The following ADGRD1 variants were observed in gnomAD, a reference collection of about 807,000 sequenced individuals.
ADGRD1 encodes the protein adhesion G protein-coupled receptor D1.
In ADGRD1, 77 loss-of-function variants were observed where a neutral mutation model predicts 113.4. That is an observed-to-expected ratio of 0.68 (90% CI 0.57 to 0.82). The LOEUF (loss-of-function observed/expected upper bound fraction) is 0.82. ADGRD1 is among the 40% of genes least tolerant of loss of function. The probability of loss-of-function intolerance (pLI) is 0.00; values close to 1 mark genes in which losing one functional copy is unlikely to be tolerated. For missense variants in ADGRD1, 1,036 were observed against 1,139.1 expected (o/e 0.91, Z 1.30); for synonymous variants, 474 against 475.0 (o/e 1.00, Z 0.03).
In ADGRD1 at chr12:131,038,527, G is replaced by A. The variant is rs1376184950; in HGVS notation, c.1473+24187G>A. Among the ~76,000 whole-genome samples, 3 of 152,268 alleles carry A rather than the reference G, an allele frequency of 2.0e-5. No individual in the cohort carries two copies. In the East Asian group the frequency reaches 5.8e-4, roughly 29 times the overall value. ...TCTCTGTGACTGGGGCCAGACAACA[G>A]AGGGGCCGATACTACAGTCGGGGGG... On this transcript the variant is annotated intron_variant, in intron 13 of 24. Coordinates refer to ENST00000261654, the MANE Select transcript of ADGRD1 (RefSeq NM_198827.5).
At chr12:131,120,801 A>G in intron 19 of ADGRD1, 46 bp from the exon 20 acceptor site, 1 of 1,595,676 alleles carries the variant, frequency 6.3e-7, no homozygotes, top group Non-Finnish European at 8.6e-7. Flanking sequence ...GTACGCTGGC[A>G]GGTGGAACGA....
At chr12:131,131,992 C>G (rs1205490201) in intron 21 of ADGRD1, among the ~76,000 whole-genome samples, 176 bp downstream of exon 21, 1 of 152,188 alleles carries the variant, frequency 6.6e-6, no homozygotes, top group Non-Finnish European at 1.5e-5. Flanking sequence ...GCTTGGCTCT[C>G]GTGACCCAGG....
At chr12:130,993,304 A>G (rs1332397534) in intron 8 of ADGRD1, among the ~76,000 whole-genome samples, 1 of 151,912 alleles carries the variant, frequency 6.6e-6, no homozygotes, top group Non-Finnish European at 1.5e-5. Context: ...GGGACTTGAG[A>G]CATCTTGGAA....
At position 131,084,743 on chromosome 12, in the gene ADGRD1, C is replaced by A. The variant is rs1886334370; in HGVS notation, c.1671+80C>A. 6.7e-7 allele frequency: 1 copy of A among 1,489,960 alleles called. No individual in the cohort carries two copies. Among genetic ancestry groups the A allele is most frequent in the Non-Finnish European group, 9.2e-7 (1 of 1,088,010 alleles). 92.3% of individuals were successfully genotyped at this position (1,489,960 alleles called of 1,614,324 possible). A position where few individuals can be genotyped will look rare whatever the true frequency, so the allele number is the denominator to read the frequency against. On this transcript the variant is annotated intron_variant, in intron 15 of 24. Transcript: ENST00000261654. This position sits in a 1 kb window ranked among gnomAD's most constrained non-coding sequence, Gnocchi z 4.5. ...AGGTGGGGGCGGGAGGATGCTTTGC[C>A]CGCCAGTGCCCACGGGCCCTGGGCA...
rs200404333 is a variant in ADGRD1 at position 130,991,001 on chromosome 12, T to C, written c.746-13T>C. ...CCATGTTTTAGTCCTTAATCCAGCATTGTTTCTTCCAGGAAAGCATGCTTT... is the reference window on the plus strand; with the variant it reads ...CCATGTTTTAGTCCTTAATCCAGCACTGTTTCTTCCAGGAAAGCATGCTTT... On this transcript the variant is annotated splice_polypyrimidine_tract_variant and intron_variant, in intron 6 of 24. Coordinates refer to ENST00000261654, the MANE Select transcript of ADGRD1 (RefSeq NM_198827.5). 1.2e-6 allele frequency: 2 copies of C among 1,612,724 alleles called. No individual in the cohort carries two copies. The highest frequency in any genetic ancestry group is 1.3e-5 in the African/African-American group (1 of 74,900).
chr12:131,001,063 G>T (rs1287086644), intron 9 of ADGRD1, among the ~76,000 whole-genome samples: 1 of 152,028 alleles, frequency 6.6e-6, no homozygotes, highest in Non-Finnish European at 1.5e-5. Flanking sequence ...GGTTCATCCT[G>T]GTCATTTCAT....
At chr12:131,043,524 G>A (rs954942622) in intron 13 of ADGRD1, among the ~76,000 whole-genome samples, 1 of 152,250 alleles carries the variant, frequency 6.6e-6, no homozygotes, top group Non-Finnish European at 1.5e-5. Context: ...CACCATGCAG[G>A]CCTCTCCCCT....
rs1450456108 is a variant in ADGRD1, at chr12:130,992,258, C to A, written c.832C>A (p.Pro278Thr). 1 of 1,612,446 alleles carries A rather than the reference C, an allele frequency of 6.2e-7. No homozygotes were observed. Among genetic ancestry groups the A allele is most frequent in the African/African-American group, 1.3e-5 (1 of 74,974 alleles). Residue 278 changes from proline to threonine, a missense_variant, in exon 8 of 25, where the codon CCC (proline) becomes ACC (threonine). Pro to Thr is a conservative substitution (Grantham distance 38). Coordinates refer to ENST00000261654, the MANE Select transcript of ADGRD1 (RefSeq NM_198827.5). ...TCAGATGCCCACAGATGCCTACCATCCCATCATAACCAACCTGACAGAAGA... is the reference window on the plus strand; with the variant it reads ...TCAGATGCCCACAGATGCCTACCATACCATCATAACCAACCTGACAGAAGA... ...SPVMPTDAYH[P>T]IITNLTEERK...
chr12:130,958,757 G>T (rs904488572), intron 2 of ADGRD1, among the ~76,000 whole-genome samples: 1 of 147,098 alleles, frequency 6.8e-6, no homozygotes, highest in African/African-American at 2.5e-5. Flanking sequence ...TGTTTCCATC[G>T]CAAGAGAACA....
chr12:130,987,342 T>C lies in ADGRD1; in HGVS notation c.738T>C (p.Ala246=), dbSNP rs1460930250. 1.2e-6 allele frequency: 2 copies of C among 1,614,122 alleles called. No homozygotes were observed. The highest frequency in any genetic ancestry group is 8.5e-7 in the Non-Finnish European group (1 of 1,180,014). ...ATGAGATCGCCATGTACTTCACTGC[T>C]GCCATTGGTCAGTGAGTGTGAAGGG... ...TPDEIAMYFT[A]AIGKHALLSS... is the part of the protein sequence containing the mutation. Residue 246 remains alanine (A), a synonymous_variant, in exon 6 of 25, where the codon GCT becomes GCC. Coordinates refer to ENST00000261654, the MANE Select transcript of ADGRD1 (RefSeq NM_198827.5).
chr12:131,077,008 A>G (rs1885675354), intron 14 of ADGRD1, 134 bp downstream of exon 14: 3 of 780,648 alleles, frequency 3.8e-6, no homozygotes, highest in Admixed American at 3.9e-5. Flanking sequence ...AATGCTGGAA[A>G]TGCTGGAGAT....
intron 2 of ADGRD1, among the ~76,000 whole-genome samples, chr12:130,963,336 A>G (rs1174749782): frequency 4.6e-5 from 7 of 151,490 alleles, no homozygotes; most frequent in East Asian, 1.9e-4. Context: ...AAAAAAAAAA[A>G]AAAAAAGAAA....
chr12:131,064,606 C>CA (rs1884573838), intron 13 of ADGRD1, among the ~76,000 whole-genome samples: 1 of 152,270 alleles, frequency 6.6e-6, no homozygotes, highest in African/African-American at 2.4e-5. Context: ...TATATGGGCA[C>CA]ATAATTTATG....
At chr12:130,996,504 T>C (rs531710492) in intron 8 of ADGRD1, among the ~76,000 whole-genome samples, 1,079 of 94,476 alleles carry the variant, frequency 0.011, 27 homozygotes, top group Middle Eastern at 0.016. Flanking sequence ...CCTCACCTCC[T>C]GGACGGGGCG....
intron 20 of ADGRD1, among the ~76,000 whole-genome samples, chr12:131,128,999 C>T (rs1311234983): frequency 9.0e-6 from 1 of 110,652 alleles, no homozygotes; most frequent in Non-Finnish European, 2.0e-5. Context: ...GCAGCCCCGC[C>T]CTGCTGTCTG....
chr12:131,122,772 G>A (rs1950629955), intron 20 of ADGRD1, among the ~76,000 whole-genome samples: 1 of 152,202 alleles, frequency 6.6e-6, no homozygotes, highest in African/African-American at 2.4e-5. Flanking sequence ...CTGGTCATCT[G>A]GCTTTCATGT....
chr12:131,100,171 GGGTT>G (rs111496432), intron 15 of ADGRD1, among the ~76,000 whole-genome samples: 9,097 of 152,200 alleles, frequency 0.06, 289 homozygotes, highest in Non-Finnish European at 0.07. Context: ...AGTTGGTAGT[GGGTT>G]GGTTGAAGGT....
chr12:131,128,807 A>G (rs553048266), intron 20 of ADGRD1, among the ~76,000 whole-genome samples: 1 of 152,088 alleles, frequency 6.6e-6, no homozygotes, highest in Non-Finnish European at 1.5e-5. Context: ...CAGACCCACA[A>G]AGTGTTCCAT....
At chr12:131,014,761 T>G (rs1204452893) in intron 13 of ADGRD1, among the ~76,000 whole-genome samples, 1 of 152,208 alleles carries the variant, frequency 6.6e-6, no homozygotes, top group Non-Finnish European at 1.5e-5. Flanking sequence ...AAAACCATTT[T>G]TACGCTTCAG....
Sources: gnomAD v4.1 joint callset for allele counts (sites outside exome capture counted in the v4.1 genomes callset) on GRCh38, gnomAD v4.1.1 for gene constraint, Gnocchi (gnomAD v3.1) non-coding constraint, MANE v1.5 for transcripts, NCBI Gene and HGNC (gene_info 2026-07-23, HGNC 2026-07-21) for gene names.